KCNH7: variants seen among roughly 807,000 people sequenced by gnomAD.
KCNH7 encodes potassium voltage-gated channel subfamily H member 7.
KCNH7 carries 49 observed loss-of-function variants against 120.8 expected under a neutral mutation model. The observed-to-expected ratio is 0.41, with a 90% CI of 0.32 to 0.51. KCNH7 has a LOEUF of 0.51. KCNH7 is among the 20% of genes least tolerant of loss of function. The probability of loss-of-function intolerance (pLI) is 0.38; values close to 1 mark genes in which losing one functional copy is unlikely to be tolerated. For synonymous variants in KCNH7, 547 were observed against 516.1 expected, an observed-to-expected ratio of 1.06 and a Z score of -0.81; for missense variants, 1,097 against 1,446.6, an observed-to-expected ratio of 0.76 and a Z score of 3.92.
intron 2 of KCNH7, among the ~76,000 whole-genome samples, chr2:162,723,149 G>T (rs1687389425): frequency 6.6e-6 from 1 of 151,346 alleles, no homozygotes; most frequent in African/African-American, 2.4e-5. Context: ...AGTTTTTGGA[G>T]ATGTATCTGT....
At chr2:162,585,743 C>G (rs1488221260) in intron 2 of KCNH7, among the ~76,000 whole-genome samples, 1 of 151,418 alleles carries the variant, frequency 6.6e-6, no homozygotes, top group Admixed American at 6.6e-5. Context: ...TTCATTGACC[C>G]AAGCTGAGAG....
chr2:162,670,094 T>C (rs2105293915), intron 2 of KCNH7, among the ~76,000 whole-genome samples: 1 of 146,210 alleles, frequency 6.8e-6, no homozygotes, highest in Admixed American at 6.8e-5. Flanking sequence ...AGAGCGAAAC[T>C]CGGTCTCAAA....
At chr2:162,413,147 A>G (rs1307139939) in intron 9 of KCNH7, among the ~76,000 whole-genome samples, 1 of 151,622 alleles carries the variant, frequency 6.6e-6, no homozygotes, top group African/African-American at 2.4e-5. Flanking sequence ...TGTTTTTTTT[A>G]AGATGGAGTC....
In KCNH7 at chr2:162,652,943, T is replaced by C. The variant is rs542810503; in HGVS notation, c.308-115863A>G. Among the ~76,000 whole-genome samples the C allele has an allele frequency of 8.5e-5, 13 of 152,320 alleles. 1 individual carries two copies. In the South Asian group the frequency reaches 2.7e-3, roughly 32 times the overall value. On this transcript the variant is annotated intron_variant, in intron 2 of 15. Coordinates refer to ENST00000332142, the MANE Select transcript of KCNH7 (RefSeq NM_033272.4). ...ATAAAACCTTCTTTCATTTTTTGAA[T>C]TAACGTAGCTGCAGATACCATTGAG...
intron 3 of KCNH7, among the ~76,000 whole-genome samples, chr2:162,531,366 C>A (rs773801934): frequency 5.9e-5 from 9 of 151,928 alleles, no homozygotes; most frequent in Admixed American, 6.6e-5. Flanking sequence ...TATACCCTCC[C>A]TTTTTCACTT....
intron 9 of KCNH7, among the ~76,000 whole-genome samples, chr2:162,414,429 A>G (rs1687481546): frequency 6.6e-6 from 1 of 151,324 alleles, no homozygotes; most frequent in Non-Finnish European, 1.5e-5. Flanking sequence ...GTAGTTATAT[A>G]TTATTATATT....
intron 6 of KCNH7, among the ~76,000 whole-genome samples, chr2:162,482,499 G>A (rs898435877): frequency 1.3e-5 from 2 of 152,160 alleles, no homozygotes; most frequent in South Asian, 2.1e-4. Context: ...ATATTAAAGC[G>A]AGTTCATGTG....
chr2:162,584,644 C>T (rs1693969409), intron 2 of KCNH7, among the ~76,000 whole-genome samples: 5 of 152,016 alleles, frequency 3.3e-5, no homozygotes, highest in Non-Finnish European at 1.5e-5. Context: ...TCTTTACATA[C>T]ATCACATCAC....
chr2:162,450,331 T>C (rs1688726892), intron 6 of KCNH7, among the ~76,000 whole-genome samples: 1 of 152,088 alleles, frequency 6.6e-6, no homozygotes, highest in Non-Finnish European at 1.5e-5. Context: ...CAATTTGGTA[T>C]GTATAACAAT....
chr2:162,462,536 CAAGAGA>C (rs1047571768), intron 6 of KCNH7, among the ~76,000 whole-genome samples: 1 of 129,620 alleles, frequency 7.7e-6, no homozygotes, highest in Non-Finnish European at 1.6e-5. Flanking sequence ...AGAGAGAGAG[CAAGAGA>C]GAGAGAGAGA....
At chr2:162,787,114 C>T (rs1683737188) in intron 2 of KCNH7, among the ~76,000 whole-genome samples, 2 of 152,200 alleles carry the variant, frequency 1.3e-5, no homozygotes, top group Admixed American at 6.5e-5. Flanking sequence ...AGGCTAGGCC[C>T]TGCAGACCCA....
intron 6 of KCNH7, among the ~76,000 whole-genome samples, chr2:162,475,654 T>G (rs969800720): frequency 1.3e-5 from 2 of 152,190 alleles, no homozygotes; most frequent in African/African-American, 4.8e-5. Context: ...TTATACCCCT[T>G]AAATAACTGC....
intron 9 of KCNH7, among the ~76,000 whole-genome samples, chr2:162,404,150 C>T (rs1687141102): frequency 6.6e-6 from 1 of 151,838 alleles, no homozygotes; most frequent in Non-Finnish European, 1.5e-5. Flanking sequence ...GTTGCTATGT[C>T]AGGACGCATG....
chr2:162,763,163 C>G (rs183501307), intron 2 of KCNH7, among the ~76,000 whole-genome samples: 2 of 152,222 alleles, frequency 1.3e-5, no homozygotes, highest in East Asian at 3.9e-4. Context: ...TTTGTCTCAA[C>G]TGTACAAATT....
chr2:162,811,488 C>A (rs1158573479), intron 2 of KCNH7, among the ~76,000 whole-genome samples: 1 of 151,984 alleles, frequency 6.6e-6, no homozygotes, highest in Non-Finnish European at 1.5e-5. Context: ...CCCTATTTTA[C>A]AACTGAGGAT....
chr2:162,556,922 T>C (rs1692876495), intron 2 of KCNH7, among the ~76,000 whole-genome samples: 1 of 152,218 alleles, frequency 6.6e-6, no homozygotes, highest in Non-Finnish European at 1.5e-5. Flanking sequence ...ATTAATGGAT[T>C]CACAGGAAGG....
chr2:162,660,792 C>G (rs536811718), intron 2 of KCNH7, among the ~76,000 whole-genome samples: 2 of 152,132 alleles, frequency 1.3e-5, no homozygotes, highest in Non-Finnish European at 2.9e-5. Flanking sequence ...TTAAATCTAA[C>G]ACAACCTTTA....
chr2:162,663,338 T>G (rs1012641514), intron 2 of KCNH7, among the ~76,000 whole-genome samples: 2 of 152,236 alleles, frequency 1.3e-5, no homozygotes, highest in African/African-American at 4.8e-5. Flanking sequence ...TGCAGAAATT[T>G]TTCTTGTTAT....
At position 162,396,568 on chromosome 2, in the gene KCNH7, T is replaced by G. The variant is rs567398466; in HGVS notation, c.2613+172A>C. ...GTATTGGAAAGCAATTAGGCTAAAT[T>G]TCTTTCCTATAATTCAGAAATTTTA... On this transcript the variant is annotated intron_variant, in intron 11 of 15. Transcript: ENST00000332142. 3.3e-5 allele frequency among the ~76,000 whole-genome samples: 5 copies of G among 152,000 alleles called. No individual in the cohort carries two copies. The South Asian group carries it at 1.0e-3, about 31-fold the overall frequency.
Sources: gnomAD v4.1 joint callset for allele counts (sites outside exome capture counted in the v4.1 genomes callset) on GRCh38, gnomAD v4.1.1 for gene constraint, MANE v1.5 for transcripts, NCBI Gene and HGNC (gene_info 2026-07-23, HGNC 2026-07-21) for gene names.